LINGO2: variants seen among roughly 807,000 people sequenced by gnomAD.
LINGO2 encodes leucine-rich repeat and immunoglobulin-like domain-containing nogo receptor-interacting protein 2.
A neutral mutation model predicts 30.6 loss-of-function variants in LINGO2; 14 were observed. The observed-to-expected ratio is 0.46, with a 90% CI of 0.30 to 0.72. The LOEUF (loss-of-function observed/expected upper bound fraction) is 0.72, where lower values mean the gene tolerates loss of function less well. Ranked by LOEUF, LINGO2 falls within the 30% of genes least tolerant of loss-of-function variation. The pLI, the probability that LINGO2 is intolerant of heterozygous loss-of-function variation, is 0.07. For missense variants in LINGO2, 729 were observed against 751.7 expected (o/e 0.97, Z 0.35); for synonymous variants, 317 against 288.5 (o/e 1.10, Z -1.00).
chr9:28,672,258 G>A (rs552021364), upstream of LINGO2, among the ~76,000 whole-genome samples: 34 of 152,250 alleles, frequency 2.2e-4, no homozygotes, highest in Non-Finnish European at 4.3e-4. Context: ...TGCATTTTAC[G>A]AATTTCTGCA....
chr9:28,196,458 T>C (rs954533364), intron 4 of LINGO2, among the ~76,000 whole-genome samples: 11 of 151,768 alleles, frequency 7.2e-5, no homozygotes, highest in African/African-American at 2.4e-4. Context: ...GTACAAGCAG[T>C]ACCCATTAAC....
the LINGO2 span, among the ~76,000 whole-genome samples, chr9:28,768,632 A>ACC: frequency 6.6e-6 from 1 of 151,584 alleles, no homozygotes; most frequent in African/African-American, 2.4e-5. Flanking sequence ...ACACACACAC[A>ACC]CACACACACA....
chr9:28,405,315 A>AAAT (rs1434873407), intron 2 of LINGO2, among the ~76,000 whole-genome samples: 8 of 152,260 alleles, frequency 5.3e-5, no homozygotes, highest in Admixed American at 2.0e-4. Context: ...CTCTCAATTG[A>AAAT]AATAGAATTG....
the LINGO2 span, among the ~76,000 whole-genome samples, chr9:29,120,109 T>C: frequency 5.9e-5 from 9 of 152,308 alleles, no homozygotes; most frequent in South Asian, 1.5e-3. Context: ...GTTATACTCA[T>C]GTATTTTGAA....
the LINGO2 span, among the ~76,000 whole-genome samples, chr9:28,870,982 C>A: frequency 1.2e-4 from 18 of 151,676 alleles, no homozygotes; most frequent in African/African-American, 4.4e-4. Flanking sequence ...TAGGAAATGT[C>A]AAAATTTCAA....
chr9:28,020,725 G>T (rs938105699), intron 4 of LINGO2, among the ~76,000 whole-genome samples: 11 of 152,138 alleles, frequency 7.2e-5, no homozygotes, highest in Admixed American at 4.6e-4. Context: ...TTAAACAGAG[G>T]TAAGCCTATT....
the LINGO2 span, among the ~76,000 whole-genome samples, chr9:28,971,125 A>G: frequency 6.6e-6 from 1 of 152,086 alleles, no homozygotes; most frequent in African/African-American, 2.4e-5. Context: ...TTCCAGACGC[A>G]CCCTGGGCAA....
intron 4 of LINGO2, among the ~76,000 whole-genome samples, chr9:28,046,757 G>GTC (rs1049908939): frequency 6.7e-6 from 1 of 149,740 alleles, no homozygotes; most frequent in African/African-American, 2.5e-5. Flanking sequence ...CCACGATATT[G>GTC]TCCCCTGATG....
chr9:29,014,218 C>T, the LINGO2 span, among the ~76,000 whole-genome samples: 2 of 152,100 alleles, frequency 1.3e-5, no homozygotes, highest in South Asian at 4.1e-4. Context: ...TGAGTCTCTA[C>T]CACCACCAAT....
intron 1 of LINGO2, among the ~76,000 whole-genome samples, chr9:28,578,837 C>A (rs900308505): frequency 6.6e-6 from 1 of 152,064 alleles, no homozygotes; most frequent in Non-Finnish European, 1.5e-5. Context: ...TGTATAAATT[C>A]ATGGTTGGTT....
chr9:29,065,784 C>A, the LINGO2 span, among the ~76,000 whole-genome samples: 4 of 151,652 alleles, frequency 2.6e-5, no homozygotes, highest in African/African-American at 7.3e-5. Context: ...CCCATATAAG[C>A]GGAAATTCCC....
At chr9:28,663,163 G>C (rs921189581) in intron 1 of LINGO2, among the ~76,000 whole-genome samples, 2 of 151,880 alleles carry the variant, frequency 1.3e-5, no homozygotes, top group Admixed American at 6.6e-5. Flanking sequence ...AGGTGCAGTT[G>C]TATTTTTTTT....
At chr9:28,699,824 C>G in the LINGO2 span, among the ~76,000 whole-genome samples, 1 of 151,834 alleles carries the variant, frequency 6.6e-6, no homozygotes, top group Non-Finnish European at 1.5e-5. Context: ...CTGAGATAAG[C>G]CCTGGTCTCC....
chr9:27,994,438 T>G (rs1821556148), intron 5 of LINGO2, among the ~76,000 whole-genome samples: 1 of 152,046 alleles, frequency 6.6e-6, no homozygotes, highest in Admixed American at 6.5e-5. Context: ...AGTAGGCAGA[T>G]AGGTAGACAT....
At chr9:27,977,079 C>T (rs935147261) in intron 5 of LINGO2, among the ~76,000 whole-genome samples, 2 of 150,610 alleles carry the variant, frequency 1.3e-5, no homozygotes, top group Non-Finnish European at 3.0e-5. Flanking sequence ...ACTGAACATT[C>T]GTAAGATGCT....
At chr9:28,347,887 A>G (rs1278395347) in intron 3 of LINGO2, among the ~76,000 whole-genome samples, 5 of 152,202 alleles carry the variant, frequency 3.3e-5, no homozygotes, top group African/African-American at 4.8e-5. Context: ...TCTAGCTCAA[A>G]GATGTTTCTA....
the LINGO2 span, among the ~76,000 whole-genome samples, chr9:28,885,612 A>G: frequency 0.85 from 129,305 of 151,792 alleles, 55,252 homozygotes; most frequent in Non-Finnish European, 0.89. Context: ...GTCTATCTAT[A>G]AAAAATGCAT....
At chr9:28,199,091 C>T (rs1471846454) in intron 4 of LINGO2, among the ~76,000 whole-genome samples, 2 of 152,112 alleles carry the variant, frequency 1.3e-5, no homozygotes, top group Admixed American at 6.5e-5. Flanking sequence ...AACAATTCCC[C>T]GTAAATACAT....
chr9:28,488,106 A>T (rs2135253887), intron 1 of LINGO2, among the ~76,000 whole-genome samples: 1 of 152,264 alleles, frequency 6.6e-6, no homozygotes, highest in African/African-American at 2.4e-5. Flanking sequence ...GGATAAAAAC[A>T]TTTCTCCCAC....
Sources: allele counts gnomAD v4.1 joint callset (sites outside exome capture counted in the v4.1 genomes callset), GRCh38; gene constraint gnomAD v4.1.1; transcripts MANE v1.5; gene names NCBI Gene and HGNC (gene_info 2026-07-23, HGNC 2026-07-21).